The following PDE5A variants were observed in gnomAD, a reference collection of about 807,000 sequenced individuals.
The protein encoded by PDE5A is phosphodiesterase 5A.
A neutral mutation model predicts 110.2 loss-of-function variants in PDE5A; 67 were observed. That is an observed-to-expected ratio of 0.61 (90% CI 0.50 to 0.75). The LOEUF (loss-of-function observed/expected upper bound fraction) is 0.75. PDE5A is among the 30% of genes least tolerant of loss of function. PDE5A has a pLI of 0.00. For synonymous variants in PDE5A, 328 were observed against 351.2 expected, an observed-to-expected ratio of 0.93 and a Z score of 0.74; for missense variants, 862 against 1,045.1, an observed-to-expected ratio of 0.82 and a Z score of 2.42.
chr4:119,572,098 C>CA (rs1174860906), intron 3 of PDE5A, among the ~76,000 whole-genome samples: 1 of 152,110 alleles, frequency 6.6e-6, no homozygotes, highest in Non-Finnish European at 1.5e-5. Flanking sequence ...GCCAAATCTC[C>CA]AAAAAATCTT....
At chr4:119,618,696 C>T (rs1481340673) in intron 1 of PDE5A, among the ~76,000 whole-genome samples, 1 of 119,336 alleles carries the variant, frequency 8.4e-6, no homozygotes, top group East Asian at 2.6e-4. Flanking sequence ...AACTGTTTGA[C>T]AACAAATGTA....
rs1726120007 is a variant in PDE5A, at chr4:119,521,286, T to C, written c.1780-226A>G. On this transcript the variant is annotated intron_variant, in intron 12 of 20. Coordinates refer to ENST00000354960, the MANE Select transcript of PDE5A (RefSeq NM_001083.4). The stretch of plus-strand genomic sequence containing the variant: ...AGCAATTTGACTCCACAGCCTACCA[T>C]GTTAAGTACCATGCTAATTAAATTG... Among the ~76,000 whole-genome samples the C allele has an allele frequency of 2.6e-5, 4 of 151,990 alleles. No individual in the cohort carries two copies. In the South Asian group the frequency reaches 8.3e-4, roughly 32 times the overall value.
At chr4:119,558,841 C>T (rs1264801150) in intron 7 of PDE5A, among the ~76,000 whole-genome samples, 2 of 136,176 alleles carry the variant, frequency 1.5e-5, no homozygotes, top group African/African-American at 2.8e-5. Flanking sequence ...GGCGTGAACC[C>T]GGGAGGCGGA....
intron 3 of PDE5A, among the ~76,000 whole-genome samples, chr4:119,578,653 G>A (rs1331566285): frequency 6.6e-6 from 1 of 152,174 alleles, no homozygotes; most frequent in East Asian, 1.9e-4. Context: ...AGCTGAAACT[G>A]GATCCCTTCC....
At chr4:119,570,011 G>C (rs891739673) in intron 3 of PDE5A, among the ~76,000 whole-genome samples, 3 of 152,154 alleles carry the variant, frequency 2.0e-5, no homozygotes, top group Non-Finnish European at 4.4e-5. Flanking sequence ...TATCTAACAT[G>C]TATATGTGCC....
intron 14 of PDE5A, among the ~76,000 whole-genome samples, chr4:119,513,913 A>G (rs1178364054): frequency 6.6e-6 from 1 of 152,232 alleles, no homozygotes; most frequent in African/African-American, 2.4e-5. Context: ...CTTACATTCT[A>G]AAAATACAGA....
chr4:119,565,259 G>T (rs994752091), intron 5 of PDE5A, 62 bp downstream of exon 5: 1 of 1,127,348 alleles, frequency 8.9e-7, no homozygotes, highest in Admixed American at 1.9e-5. Flanking sequence ...ACATTACTTG[G>T]ATAAAAATGT....
At chr4:119,626,889 T>G (rs1730366156) in intron 1 of PDE5A, among the ~76,000 whole-genome samples, 1 of 151,854 alleles carries the variant, frequency 6.6e-6, no homozygotes, top group African/African-American at 2.4e-5. Flanking sequence ...AGTGACTAAA[T>G]TGACACCAAC....
intron 9 of PDE5A, among the ~76,000 whole-genome samples, chr4:119,551,025 A>G (rs957536318): frequency 3.3e-5 from 5 of 152,268 alleles, no homozygotes; most frequent in Admixed American, 6.5e-5. Flanking sequence ...TCAACAGCCC[A>G]GCAGGGGGTT....
At chr4:119,546,718 C>G (rs1430123322) in intron 9 of PDE5A, among the ~76,000 whole-genome samples, 1 of 128,982 alleles carries the variant, frequency 7.8e-6, no homozygotes, top group East Asian at 2.6e-4. Context: ...ATCTCGTAAA[C>G]TAGATTTTAA....
chr4:119,529,155 G>T (rs541623601), intron 11 of PDE5A, among the ~76,000 whole-genome samples: 1 of 151,318 alleles, frequency 6.6e-6, no homozygotes, highest in East Asian at 1.9e-4. Flanking sequence ...CTATGTATTT[G>T]TCATCTGTTT....
At chr4:119,510,636 T>G (rs1221050719) in intron 15 of PDE5A, among the ~76,000 whole-genome samples, 2 of 152,102 alleles carry the variant, frequency 1.3e-5, no homozygotes, top group African/African-American at 4.8e-5. Context: ...ATAGCTTTAT[T>G]CTTTAATAAA....
Position 119,505,885 on chromosome 4 carries a change from A to G in PDE5A, c.2237T>C (p.Leu746Ser). 1 of 1,571,178 alleles carries G rather than the reference A, an allele frequency of 6.4e-7. No individual in the cohort carries two copies. The highest frequency in any genetic ancestry group is 8.6e-7 in the Non-Finnish European group (1 of 1,160,046). Residue 746 changes from leucine (L) to serine (S), a missense_variant, in exon 17 of 21, where the codon TTG becomes TCG. Coordinates refer to ENST00000354960, the MANE Select transcript of PDE5A (RefSeq NM_001083.4). ...CAACTCCTTTTGATGAGGATCTTCC[A>G]AATTGAATTGATTTTTTCTTATAAG... The part of the protein sequence containing the change: ...FELIRKNQFN[L>S]EDPHQKELFL...
At chr4:119,504,705 G>A in intron 17 of PDE5A, 106 bp from the exon 18 acceptor site, 1 of 731,850 alleles carries the variant, frequency 1.4e-6, no homozygotes, top group East Asian at 2.8e-5. Context: ...CTAAACAATG[G>A]AAATGGCAGT....
chr4:119,500,714 G>A (rs1487280048), intron 20 of PDE5A: 2 of 152,482 alleles, frequency 1.3e-5, no homozygotes, highest in African/African-American at 4.8e-5. Context: ...CAAAAGCCAA[G>A]CCAGCAGATA....
chr4:119,529,465 C>T (rs1243668700), intron 11 of PDE5A, among the ~76,000 whole-genome samples: 1 of 152,046 alleles, frequency 6.6e-6, no homozygotes, highest in African/African-American at 2.4e-5. Context: ...GATTTGGTTT[C>T]GGCAATGAGG....
In PDE5A at chr4:119,559,141, T is replaced by C. The variant is rs543008883; in HGVS notation, c.1199+1155A>G. Among the ~76,000 whole-genome samples, 200 of 152,258 alleles carry C rather than the reference T, an allele frequency of 1.3e-3. 1 individual carries two copies. The highest frequency in any genetic ancestry group is 4.6e-3 in the African/African-American group (193 of 41,532). On this transcript the variant is annotated intron_variant, in intron 7 of 20. Transcript: ENST00000354960. ...TAAATCAATAAGTGGAAAGATCCTT[T>C]CCATTTTTCCTACAGAGAGGGAATG...
At chr4:119,521,104 C>T (rs1726113287) in intron 12 of PDE5A, 44 bp from the exon 13 acceptor site, 1 of 1,584,170 alleles carries the variant, frequency 6.3e-7, no homozygotes. Context: ...TTGCCAACAT[C>T]TTCACACATT....
intron 2 of PDE5A, among the ~76,000 whole-genome samples, chr4:119,605,603 C>T (rs181779418): frequency 5.9e-5 from 9 of 151,860 alleles, no homozygotes; most frequent in Admixed American, 5.9e-4. Flanking sequence ...GTCGAGATCG[C>T]GTTACTGCAC....
Sources: gnomAD v4.1 joint callset for allele counts (sites outside exome capture counted in the v4.1 genomes callset) on GRCh38, gnomAD v4.1.1 for gene constraint, MANE v1.5 for transcripts, NCBI Gene and HGNC (gene_info 2026-07-23, HGNC 2026-07-21) for gene names.